GOLGA4: variants seen among roughly 807,000 people sequenced by gnomAD.
The protein encoded by GOLGA4 is golgin A4.
GOLGA4 carries 169 observed loss-of-function variants against 265.9 expected under a neutral mutation model. That is an observed-to-expected ratio of 0.64 (90% CI 0.56 to 0.72). The LOEUF (loss-of-function observed/expected upper bound fraction) is 0.72. GOLGA4 is among the 30% of genes least tolerant of loss of function. The pLI, the probability that GOLGA4 is intolerant of heterozygous loss-of-function variation, is 0.00. For missense variants in GOLGA4, 2,482 were observed against 2,483.4 expected, an observed-to-expected ratio of 1.00 and a Z score of 0.01; for synonymous variants, 923 against 855.8, an observed-to-expected ratio of 1.08 and a Z score of -1.37.
chr3:37,342,203 G>A (rs999810720), intron 20 of GOLGA4, among the ~76,000 whole-genome samples: 2 of 152,100 alleles, frequency 1.3e-5, no homozygotes, highest in Admixed American at 6.5e-5. Context: ...AATTAGCCGC[G>A]TATGGTGGCG....
intron 2 of GOLGA4, among the ~76,000 whole-genome samples, chr3:37,278,465 A>G (rs893098233): frequency 6.6e-6 from 1 of 152,176 alleles, no homozygotes; most frequent in African/African-American, 2.4e-5. Context: ...GGCCTCCCAG[A>G]GTGCTGGGAT....
chr3:37,351,822 A>C (rs2097075447), intron 21 of GOLGA4, among the ~76,000 whole-genome samples: 1 of 152,072 alleles, frequency 6.6e-6, no homozygotes. Flanking sequence ...GCCTTGTTTC[A>C]TTTCTAGAGC....
intron 12 of GOLGA4, 120 bp from the exon 13 acceptor site, chr3:37,321,611 C>A: frequency 2.4e-6 from 2 of 831,190 alleles, no homozygotes; most frequent in Non-Finnish European, 3.8e-6. Context: ...GAGATGATGA[C>A]GTTACCTATC....
rs181428677 is a variant in GOLGA4 at position 37,345,390 on chromosome 3, A to G, written c.6473-1803A>G. On this transcript the variant is annotated intron_variant, in intron 20 of 23. Coordinates refer to ENST00000361924, the MANE Select transcript of GOLGA4 (RefSeq NM_002078.5). ...GTTATAAAATTATCTGTAACACACA[A>G]TTAAAATTGTGTTAAATGTCAAGTG... is the stretch of plus-strand genomic sequence containing the variant. Among the ~76,000 whole-genome samples, 838 of 152,368 alleles carry G rather than the reference A, an allele frequency of 5.5e-3. 4 individuals carry two copies. The highest frequency in any genetic ancestry group is 9.0e-3 in the Non-Finnish European group (612 of 68,038).
chr3:37,346,790 A>G (rs1225302130), intron 20 of GOLGA4, among the ~76,000 whole-genome samples: 1 of 152,158 alleles, frequency 6.6e-6, no homozygotes, highest in African/African-American at 2.4e-5. Context: ...ACGAGTCTCC[A>G]TTGTTTCACA....
At chr3:37,348,332 A>C (rs974968264) in intron 21 of GOLGA4, among the ~76,000 whole-genome samples, 3 of 152,216 alleles carry the variant, frequency 2.0e-5, no homozygotes, top group Non-Finnish European at 4.4e-5. Context: ...CATTATATCA[A>C]GTTAAAGTAA....
chr3:37,345,557 A>G (rs1408282715), intron 20 of GOLGA4, among the ~76,000 whole-genome samples: 1 of 152,240 alleles, frequency 6.6e-6, no homozygotes, highest in Non-Finnish European at 1.5e-5. Context: ...TATTTGAACA[A>G]TAGCTAATTT....
At chr3:37,271,757 A>G (rs1312987420) in intron 2 of GOLGA4, among the ~76,000 whole-genome samples, 1 of 151,848 alleles carries the variant, frequency 6.6e-6, no homozygotes. Context: ...CCCAACCTCC[A>G]GGCACAGGTC....
intron 21 of GOLGA4, among the ~76,000 whole-genome samples, chr3:37,353,952 A>G (rs2097082884): frequency 6.6e-6 from 1 of 152,068 alleles, no homozygotes; most frequent in African/African-American, 2.4e-5. Context: ...AGAGGTCTGA[A>G]ACTAAAGTCT....
rs1406987832 is a variant in GOLGA4, at chr3:37,361,277, A to G, written c.*5A>G. On this transcript the variant is annotated 3_prime_UTR_variant, in exon 23 of 24. Coordinates refer to ENST00000361924, the MANE Select transcript of GOLGA4 (RefSeq NM_002078.5). ...CCTCGCAGTGGTATCTTCTGAGTAA[A>G]CCATCAGTCTGTGCTTAGTTAACAT... 1 of 1,613,126 alleles carries G rather than the reference A, an allele frequency of 6.2e-7. No homozygotes were observed. Among genetic ancestry groups the G allele is most frequent in the South Asian group, 1.1e-5 (1 of 91,038 alleles).
intron 2 of GOLGA4, among the ~76,000 whole-genome samples, chr3:37,256,463 T>TC (rs1560276979): frequency 6.7e-6 from 1 of 150,178 alleles, no homozygotes; most frequent in African/African-American, 2.5e-5. Context: ...AAAGCAAAAC[T>TC]CCATCTCAAA....
chr3:37,340,590 T>G (rs1342965086), intron 20 of GOLGA4, among the ~76,000 whole-genome samples: 3 of 152,212 alleles, frequency 2.0e-5, no homozygotes, highest in African/African-American at 7.2e-5. Flanking sequence ...GAACTGAAAT[T>G]TTGTATCCTT....
intron 4 of GOLGA4, among the ~76,000 whole-genome samples, chr3:37,288,730 G>A (rs958671983): frequency 6.6e-6 from 1 of 151,622 alleles, no homozygotes; most frequent in Non-Finnish European, 1.5e-5. Flanking sequence ...CACCTGCCTC[G>A]GCCTCCCAAA....
At chr3:37,358,740 A>G (rs542557147) in intron 22 of GOLGA4, among the ~76,000 whole-genome samples, 3 of 152,294 alleles carry the variant, frequency 2.0e-5, no homozygotes, top group Non-Finnish European at 2.9e-5. Flanking sequence ...ATTGATGTGT[A>G]TAAGAAAAAC....
At chr3:37,290,038 ATAGGTAG>A (rs1559387751) in intron 5 of GOLGA4, among the ~76,000 whole-genome samples, 1 of 152,198 alleles carries the variant, frequency 6.6e-6, no homozygotes, top group African/African-American at 2.4e-5. Flanking sequence ...GAAGTTTGAA[ATAGGTAG>A]CTTTAGGACA....
Position 37,327,331 on chromosome 3 carries a change from T to C in GOLGA4, c.5445T>C (p.His1815=), listed in dbSNP as rs1408880329. 6.2e-7 allele frequency: 1 copy of C among 1,613,794 alleles called. No homozygotes were observed. The highest frequency in any genetic ancestry group is 8.5e-7 in the Non-Finnish European group (1 of 1,179,810). ...AATATTCCTTGATAGTAGCCCAGCA[T>C]GTGGAAAAAGAAGGAGGTAAAAATA... The part of the protein sequence containing the change: ...NKKYSLIVAQ[H]VEKEGGKNNI... The change falls in exon 14 of 24, where the codon CAT becomes CAC. Residue 1815 remains histidine, a synonymous_variant. Transcript: ENST00000361924.
chr3:37,361,163 T>C (rs1696232765), intron 22 of GOLGA4, 80 bp from the exon 23 acceptor site: 3 of 1,078,478 alleles, frequency 2.8e-6, no homozygotes, highest in Non-Finnish European at 4.3e-6. Context: ...TCCTATGAAC[T>C]TCATATACAC....
At chr3:37,304,422 A>T (rs979070163) in intron 10 of GOLGA4, among the ~76,000 whole-genome samples, 27 of 152,192 alleles carry the variant, frequency 1.8e-4, no homozygotes, top group Non-Finnish European at 2.8e-4. Context: ...CCCTTTAGAG[A>T]GAGTAGATGG....
At chr3:37,256,063 T>C (rs1385487792) in intron 2 of GOLGA4, among the ~76,000 whole-genome samples, 2 of 152,100 alleles carry the variant, frequency 1.3e-5, no homozygotes, top group African/African-American at 2.4e-5. Flanking sequence ...TTCAATATGG[T>C]GTGAAGTAGG....
Sources: gnomAD v4.1 joint callset for allele counts (sites outside exome capture counted in the v4.1 genomes callset) on GRCh38, gnomAD v4.1.1 for gene constraint, MANE v1.5 for transcripts, NCBI Gene and HGNC (gene_info 2026-07-23, HGNC 2026-07-21) for gene names.